KIF9: variants seen among roughly 807,000 people sequenced by gnomAD.
The protein encoded by KIF9 is kinesin family member 9.
KIF9 carries 68 observed loss-of-function variants against 94.8 expected under a neutral mutation model. The observed-to-expected ratio is 0.72, with a 90% CI of 0.59 to 0.88. The LOEUF is 0.88. KIF9 is among the 40% of genes least tolerant of loss of function. KIF9 has a pLI of 0.00. For missense variants in KIF9, 882 were observed against 982.5 expected (o/e 0.90, Z 1.37); for synonymous variants, 343 against 362.1 (o/e 0.95, Z 0.60).
intron 9 of KIF9, 102 bp downstream of exon 9, chr3:47,264,184 G>T: frequency 1.1e-6 from 1 of 878,398 alleles, no homozygotes; most frequent in South Asian, 1.3e-5. Context: ...TCTTGACAAT[G>T]TCTATGGCCA....
At chr3:47,256,552 T>C (rs574416707) in intron 10 of KIF9, among the ~76,000 whole-genome samples, 5 of 145,292 alleles carry the variant, frequency 3.4e-5, no homozygotes, top group South Asian at 2.2e-4. Context: ...CCGGCCGCCC[T>C]GTCCGGGAGG....
At chr3:47,237,234 C>G (rs1469506998) in intron 17 of KIF9, among the ~76,000 whole-genome samples, 1 of 152,212 alleles carries the variant, frequency 6.6e-6, no homozygotes, top group East Asian at 1.9e-4. Flanking sequence ...ACTGGGATTA[C>G]AGGCATGTGC....
At chr3:47,247,539 C>A in intron 11 of KIF9, 62 bp from the exon 12 acceptor site, 1 of 1,317,838 alleles carries the variant, frequency 7.6e-7, no homozygotes, top group Non-Finnish European at 1.1e-6. Context: ...AGGGGAGTGG[C>A]AGGGGCCATT....
At chr3:47,241,117 C>A in intron 16 of KIF9, 102 bp from the exon 17 acceptor site, 1 of 1,028,592 alleles carries the variant, frequency 9.7e-7, no homozygotes. Context: ...GGCCAGGAGG[C>A]AGAAGTGCTA....
At position 47,244,752 on chromosome 3, in the gene KIF9, G is replaced by A. The variant is rs141658763; in HGVS notation, c.1514+39C>T. 5.4e-3 allele frequency: 8,728 copies of A among 1,610,210 alleles called. 37 individuals are homozygous for A. The highest frequency in any genetic ancestry group is 6.0e-3 in the Non-Finnish European group (7,064 of 1,177,858). On this transcript the variant is annotated intron_variant, in intron 15 of 20. Coordinates refer to ENST00000684063, the MANE Select transcript of KIF9 (RefSeq NM_182902.4). ...ATCCTCCCATGCACCCACCGAGGAG[G>A]GCCAGCTGCTGAGGAGGCAGAGCGG...
chr3:47,246,413 A>G (rs1699928960), intron 12 of KIF9, 161 bp from the exon 13 acceptor site: 1 of 449,046 alleles, frequency 2.2e-6, no homozygotes, highest in Admixed American at 4.2e-5. Flanking sequence ...GTGGCAGCCA[A>G]GCCCTCCTCC....
chr3:47,271,096 T>C (rs1701618393), intron 5 of KIF9, 141 bp downstream of exon 5: 2 of 653,644 alleles, frequency 3.1e-6, no homozygotes. Flanking sequence ...GTGAGCCATG[T>C]TCATGCCAGT....
At position 47,228,251 on chromosome 3, in the gene KIF9, G is replaced by C. The variant is rs1193263202; in HGVS notation, c.*401C>G. 2 of 169,446 alleles carry C rather than the reference G, an allele frequency of 1.2e-5. No individual in the cohort carries two copies. Among genetic ancestry groups the C allele is most frequent in the Admixed American group, 6.0e-5 (1 of 16,582 alleles). 10.5% of individuals were successfully genotyped at this position (169,446 alleles called of 1,614,324 possible). On this transcript the variant is annotated 3_prime_UTR_variant, in exon 21 of 21. Coordinates refer to ENST00000684063, the MANE Select transcript of KIF9 (RefSeq NM_182902.4). ...AGGATGTCTATCCAGGAAAGGGGCT[G>C]ACCAGTGTGACAAAGGCCTGCCAGG...
In KIF9 at chr3:47,282,553, T is replaced by A. The variant is rs1019073339; in HGVS notation, c.-64A>T. 2.0e-6 allele frequency: 2 copies of A among 1,013,840 alleles called. No individual in the cohort carries two copies. Among genetic ancestry groups the A allele is most frequent in the Non-Finnish European group, 2.4e-6 (2 of 846,304 alleles). 62.8% of individuals were successfully genotyped at this position (1,013,840 alleles called of 1,614,324 possible). On this transcript the variant is annotated 5_prime_UTR_variant, in exon 1 of 21. Transcript: ENST00000684063. ...CTGCCGCAACCGAAACCACCTGCAC[T>A]CCCCACGCGGGGCTGCCTGGCTGTG...
At chr3:47,275,194 A>G in intron 3 of KIF9, 131 bp downstream of exon 3, 1 of 717,826 alleles carries the variant, frequency 1.4e-6, no homozygotes, top group Non-Finnish European at 2.2e-6. Context: ...TAAGTTTTGC[A>G]ACGTAAGAAC....
Position 47,248,077 on chromosome 3 carries a change from T to G in KIF9, c.1069A>C (p.Lys357Gln). ...AGTGCTAGTTCCTTCTCCAGGTTCT[T>G]GACCATTCTCTGCCGGGAAACATGG... ...NEKYDAERMV[K>Q]NLEKELALLK... is the part of the protein sequence containing the mutation. Residue 357 changes from lysine to glutamine, a missense_variant, in exon 11 of 21, where the codon AAG (lysine) becomes CAG (glutamine). Physicochemically the swap from Lys to Gln is moderately conservative, Grantham distance 53. Coordinates refer to ENST00000684063, the MANE Select transcript of KIF9 (RefSeq NM_182902.4). 6.2e-7 allele frequency: 1 copy of G among 1,613,460 alleles called. No homozygotes were observed. Among genetic ancestry groups the G allele is most frequent in the Non-Finnish European group, 8.5e-7 (1 of 1,179,600 alleles).
At position 47,231,404 on chromosome 3, in the gene KIF9, CTTTTTTTTTTT is replaced by C. The variant is rs34079988; in HGVS notation, c.2323-2713_2323-2703del. On this transcript the variant is annotated intron_variant, in intron 20 of 20. Coordinates refer to ENST00000684063, the MANE Select transcript of KIF9 (RefSeq NM_182902.4). ...GAATCTCAGGCTCCATCAGTATCTACTTTTTTTTTTTTTTTTTTTTTTTTTTTAGACAGTTT... is the reference window on the plus strand; with the variant it reads ...GAATCTCAGGCTCCATCAGTATCTACTTTTTTTTTTTTTTTTAGACAGTTT... Among the ~76,000 whole-genome samples the C allele has an allele frequency of 3.2e-3, 259 of 79,790 alleles. 2 individuals carry two copies. Among genetic ancestry groups the C allele is most frequent in the African/African-American group, 0.013 (238 of 17,896 alleles). The allele number at this position is 79,790 out of a possible 152,430, so 52.3% of individuals were successfully genotyped here.
At chr3:47,265,227 G>A (rs1559457323) in intron 8 of KIF9, among the ~76,000 whole-genome samples, 1 of 152,214 alleles carries the variant, frequency 6.6e-6, no homozygotes, top group South Asian at 2.1e-4. Context: ...ACAGGGCAGG[G>A]AGGGGCAGGG....
At chr3:47,265,905 G>T (rs749933129) in intron 7 of KIF9, 28 bp from the exon 8 acceptor site, 3 of 1,613,496 alleles carry the variant, frequency 1.9e-6, no homozygotes, top group Non-Finnish European at 2.5e-6. Flanking sequence ...GTTCCACTTT[G>T]GATGGAATAA....
At chr3:47,266,890 T>G (rs1266934316) in intron 7 of KIF9, 86 bp downstream of exon 7, 2 of 978,898 alleles carry the variant, frequency 2.0e-6, no homozygotes, top group East Asian at 4.8e-5. Flanking sequence ...AAATATCCAA[T>G]GAGTCATGGC....
chr3:47,267,218 A>G lies in KIF9; in HGVS notation c.637T>C (p.Ser213Pro). Reference sequence around the variant, plus strand: ...GTGAAAATGCAGTGTGATCTGGAAGAGTTTTTGTTCATAGTGTGGGAGGCT... The same window carrying G: ...GTGAAAATGCAGTGTGATCTGGAAGGGTTTTTGTTCATAGTGTGGGAGGCT... ...IIASHTMNKN[S>P]SRSHCIFTIY... The change falls in exon 6 of 21, where the codon TCT (serine) becomes CCT (proline). Residue 213 changes from serine to proline, a missense_variant. Physicochemically the swap from Ser to Pro is moderately conservative, Grantham distance 74. Transcript: ENST00000684063. 4 of 1,611,228 alleles carry G rather than the reference A, an allele frequency of 2.5e-6. No homozygotes were observed. The highest frequency in any genetic ancestry group is 3.4e-6 in the Non-Finnish European group (4 of 1,178,528).
chr3:47,240,716 AC>A (rs1699405016), intron 17 of KIF9, 84 bp downstream of exon 17: 1 of 1,151,058 alleles, frequency 8.7e-7, no homozygotes, highest in Non-Finnish European at 1.3e-6. Context: ...CCCATCTCAG[AC>A]CTCTAGTGCC....
chr3:47,265,644 T>C, intron 8 of KIF9, 86 bp downstream of exon 8: 1 of 1,424,314 alleles, frequency 7.0e-7, no homozygotes. Flanking sequence ...GGAGCAATTC[T>C]ATCATCACCA....
At chr3:47,253,571 G>A (rs969691471) in intron 10 of KIF9, among the ~76,000 whole-genome samples, 1 of 152,010 alleles carries the variant, frequency 6.6e-6, no homozygotes, top group Middle Eastern at 3.2e-3. Flanking sequence ...GCCTCAGTCT[G>A]GTTTTTTCAC....
Sources: gnomAD v4.1 joint callset for allele counts (sites outside exome capture counted in the v4.1 genomes callset) on GRCh38, gnomAD v4.1.1 for gene constraint, MANE v1.5 for transcripts, NCBI Gene and HGNC (gene_info 2026-07-23, HGNC 2026-07-21) for gene names.